Variants in ZNF644 observed in about 807,000 individuals in gnomAD.
ZNF644 encodes zinc finger protein 644.
Under a neutral mutation model 108.0 loss-of-function variants are expected in ZNF644, and 20 were observed. The ratio of observed to expected loss-of-function variants is 0.19; its 90% CI spans 0.13 to 0.27. ZNF644 has a LOEUF of 0.27. Among genes scored for constraint, ZNF644 ranks in the 10% least tolerant of loss-of-function variants. ZNF644 has a pLI of 1.00. For missense variants in ZNF644, 1,338 were observed against 1,548.9 expected, an observed-to-expected ratio of 0.86 and a Z score of 2.29; for synonymous variants, 542 against 539.1, an observed-to-expected ratio of 1.01 and a Z score of -0.08.
At chr1:91,013,314 G>C (rs1295437153) in intron 1 of ZNF644, among the ~76,000 whole-genome samples, 3 of 152,024 alleles carry the variant, frequency 2.0e-5, no homozygotes, top group Non-Finnish European at 4.4e-5. Flanking sequence ...GACCTCAGGC[G>C]ATCTGCCGAC....
intron 1 of ZNF644, among the ~76,000 whole-genome samples, chr1:91,019,904 T>G (rs1330761101): frequency 6.6e-6 from 1 of 152,210 alleles, no homozygotes; most frequent in Non-Finnish European, 1.5e-5. Context: ...GAAGTTCTCA[T>G]GAACCTAACA....
Position 90,940,820 on chromosome 1 carries a change from TAAC to T in ZNF644, c.531_533del (p.Leu178del). The T allele has an allele frequency of 6.2e-7, 1 of 1,614,024 alleles. No individual in the cohort carries two copies. On this transcript the variant is annotated inframe_deletion, in exon 3 of 6. Transcript: ENST00000337393. ...GATTCTTAGCATGTGCTACATCTGA[TAAC>T]AAAAATAAAACTTGGTGTTGACTTG...
At chr1:90,973,314 TTTC>T (rs1248070507) in intron 2 of ZNF644, 11 of 152,272 alleles carry the variant, frequency 7.2e-5, no homozygotes, top group African/African-American at 2.4e-4. Flanking sequence ...CTGTGTAGTA[TTTC>T]TTATGTTATT....
chr1:90,961,742 A>G (rs996025590), intron 2 of ZNF644, among the ~76,000 whole-genome samples: 5 of 152,176 alleles, frequency 3.3e-5, no homozygotes, highest in African/African-American at 7.2e-5. Context: ...TAAACTTATA[A>G]ACATTTAAAA....
Position 90,939,324 on chromosome 1 carries a change from A to G in ZNF644, c.2030T>C (p.Ile677Thr). 9.3e-6 allele frequency: 15 copies of G among 1,613,998 alleles called. No individual in the cohort carries two copies. The highest frequency in any genetic ancestry group is 1.3e-5 in the Non-Finnish European group (15 of 1,179,944). The part of the protein sequence containing the change: ...STSQSSSFSK[I>T]HKRPHRIQKA... ...CTGTATTCTGTGTGGCCGCTTATGA[A>G]TTTTTGAAAAACTACTTGATTGTGA... The change falls in exon 3 of 6, where the codon ATT becomes ACT. Residue 677 changes from isoleucine (I) to threonine (T), a missense_variant. Coordinates refer to ENST00000337393, the MANE Select transcript of ZNF644 (RefSeq NM_201269.3).
chr1:90,984,675 G>A lies in ZNF644; in HGVS notation c.-17-2305C>T, dbSNP rs189179157. Among the ~76,000 whole-genome samples, 257 of 152,298 alleles carry A rather than the reference G, an allele frequency of 1.7e-3. 2 individuals are homozygous for A. Among genetic ancestry groups the A allele is most frequent in the African/African-American group, 6.1e-3 (253 of 41,570 alleles). ...CCCAAAGTTCTGGGATTACAGGCGT[G>A]AGCCACCACGCCCAGCCTGACTGGT... is the stretch of plus-strand genomic sequence containing the variant. On this transcript the variant is annotated intron_variant, in intron 1 of 5. Transcript: ENST00000337393.
In ZNF644 at chr1:90,940,358, T is replaced by C. The variant is rs1290729530; in HGVS notation, c.996A>G (p.Leu332=). The change falls in exon 3 of 6, where the codon CTA becomes CTG. Residue 332 remains leucine (L), a synonymous_variant. Transcript: ENST00000337393. ...CATATTTCTGTGAGTCTACTGCTTG[T>C]AGCTCTTCATTTTGTTCTAGAAAGT... ...EVDFLEQNEE[L]QAVDSQKYAL... The C allele has an allele frequency of 1.2e-6, 2 of 1,613,678 alleles. No individual in the cohort carries two copies. Among genetic ancestry groups the C allele is most frequent in the Non-Finnish European group, 1.7e-6 (2 of 1,179,958 alleles).
Position 90,938,989 on chromosome 1 carries a change from G to C in ZNF644, c.2365C>G (p.Pro789Ala). ...GGCCTTTTGGCGTCAGGCTTATGAG[G>C]GTCTGAAATAAAATTGTTGTGAGAA... is the stretch of plus-strand genomic sequence containing the variant. ...SNSHNNFISDPHKPDAKRPES... is the reference protein window; with the variant it reads ...SNSHNNFISDAHKPDAKRPES... Residue 789 changes from proline (P) to alanine (A), a missense_variant, in exon 3 of 6, where the codon CCT becomes GCT. Physicochemically the swap from Pro to Ala is conservative, Grantham distance 27. This residue lies in a region of ZNF644 where 462 missense variants were observed against 472.6 expected (regional missense o/e 0.98). Coordinates refer to ENST00000337393, the MANE Select transcript of ZNF644 (RefSeq NM_201269.3). This position sits in a 1 kb window ranked among gnomAD's most constrained non-coding sequence, Gnocchi z 4.2. The C allele has an allele frequency of 1.2e-6, 2 of 1,613,918 alleles. No individual in the cohort carries two copies. Among genetic ancestry groups the C allele is most frequent in the Non-Finnish European group, 1.7e-6 (2 of 1,179,906 alleles).
intron 2 of ZNF644, among the ~76,000 whole-genome samples, chr1:90,967,404 T>C (rs1007037421): frequency 1.2e-4 from 19 of 152,194 alleles, no homozygotes; most frequent in Admixed American, 7.2e-4. Context: ...CAGAACTCTT[T>C]CAAATATTTA....
At chr1:90,958,232 TAAAAAAAAAAAA>T (rs777224217) in intron 2 of ZNF644, among the ~76,000 whole-genome samples, 5 of 41,400 alleles carry the variant, frequency 1.2e-4, no homozygotes, top group African/African-American at 2.7e-4. Flanking sequence ...GCAAAACTCC[TAAAAAAAAAAAA>T]AAAAAAAAAA....
intron 4 of ZNF644, among the ~76,000 whole-genome samples, chr1:90,925,684 GA>G (rs1240930285): frequency 4.0e-5 from 6 of 149,548 alleles, no homozygotes; most frequent in Admixed American, 1.3e-4. Context: ...AGACTTGCAT[GA>G]AAAACAAGAT....
intron 2 of ZNF644, among the ~76,000 whole-genome samples, chr1:90,978,132 G>A (rs1468839733): frequency 1.3e-5 from 2 of 151,936 alleles, no homozygotes; most frequent in African/African-American, 2.4e-5. Context: ...CCGGTGGATC[G>A]CCTGAGGTCA....
At chr1:90,966,746 T>TC (rs1168308390) in intron 2 of ZNF644, among the ~76,000 whole-genome samples, 1,027 of 47,874 alleles carry the variant, frequency 0.021, 12 homozygotes, top group African/African-American at 0.072. Context: ...AGACTCAGTC[T>TC]CAAAAAAAAA....
chr1:90,993,222 T>C (rs1026050085), intron 1 of ZNF644, among the ~76,000 whole-genome samples: 1 of 151,894 alleles, frequency 6.6e-6, no homozygotes, highest in Non-Finnish European at 1.5e-5. Flanking sequence ...ACCACCATGA[T>C]AACAAGCCAA....
chr1:90,951,990 CTTAG>C (rs945180848), intron 2 of ZNF644, among the ~76,000 whole-genome samples: 11 of 152,172 alleles, frequency 7.2e-5, no homozygotes, highest in Non-Finnish European at 1.6e-4. Context: ...GCTACACAGT[CTTAG>C]TTAATCAAAA....
At chr1:90,962,236 A>G (rs910605783) in intron 2 of ZNF644, among the ~76,000 whole-genome samples, 3 of 151,702 alleles carry the variant, frequency 2.0e-5, no homozygotes, top group Non-Finnish European at 4.4e-5. Flanking sequence ...TAGTGGATAT[A>G]AAGACATTAT....
rs1557658445 is a variant in ZNF644 at position 91,007,219 on chromosome 1, C to CT, written c.-18+14770_-18+14771insA. Reference sequence around the variant, plus strand: ...ATTCTTAATTTCTTCCATTTTCTCCCATTTTGTTTTTTTTTTTTTTTTTTT... The same window carrying CT: ...ATTCTTAATTTCTTCCATTTTCTCCCTATTTTGTTTTTTTTTTTTTTTTTTT... On this transcript the variant is annotated intron_variant, in intron 1 of 5. Coordinates refer to ENST00000337393, the MANE Select transcript of ZNF644 (RefSeq NM_201269.3). 3.2e-4 allele frequency among the ~76,000 whole-genome samples: 37 copies of CT among 114,278 alleles called. 1 individual carries two copies. The highest frequency in any genetic ancestry group is 6.2e-4 in the Non-Finnish European group (34 of 54,570). 75.0% of individuals were successfully genotyped at this position (114,278 alleles called of 152,430 possible).
At chr1:90,921,344 A>G (rs979472991) in intron 4 of ZNF644, among the ~76,000 whole-genome samples, 1 of 152,122 alleles carries the variant, frequency 6.6e-6, no homozygotes, top group Non-Finnish European at 1.5e-5. Context: ...TGCCAAATAG[A>G]TAACTGTTAC....
chr1:90,948,410 A>C (rs1652735894), intron 2 of ZNF644, among the ~76,000 whole-genome samples: 1 of 152,370 alleles, frequency 6.6e-6, no homozygotes, highest in Admixed American at 6.5e-5. Flanking sequence ...GGGACTCCTT[A>C]CAACAGCTGA....
Sources: gnomAD v4.1 joint callset for allele counts (sites outside exome capture counted in the v4.1 genomes callset) on GRCh38, gnomAD v4.1.1 for gene constraint, gnomAD v4.1.1 regional missense constraint, Gnocchi (gnomAD v3.1) non-coding constraint, MANE v1.5 for transcripts, NCBI Gene and HGNC (gene_info 2026-07-23, HGNC 2026-07-21) for gene names.